RERE: variants seen among roughly 807,000 people sequenced by gnomAD.
RERE encodes arginine-glutamic acid dipeptide repeats protein.
RERE carries 40 observed loss-of-function variants against 146.1 expected under a neutral mutation model. The observed-to-expected ratio is 0.27, with a 90% CI of 0.21 to 0.36. The LOEUF (loss-of-function observed/expected upper bound fraction) is 0.36, where lower values mean the gene tolerates loss of function less well. Ranked by LOEUF, RERE falls within the 10% of genes least tolerant of loss-of-function variation. The pLI is 1.00. For synonymous variants in RERE, 1,003 were observed against 866.0 expected, an observed-to-expected ratio of 1.16 and a Z score of -2.78; for missense variants, 1,933 against 2,138.7, an observed-to-expected ratio of 0.90 and a Z score of 1.90.
intron 4 of RERE, 123 bp from the exon 5 acceptor site, chr1:8,557,646 C>A: frequency 1.5e-6 from 1 of 683,722 alleles, no homozygotes; most frequent in East Asian, 2.7e-5. Flanking sequence ...ACACAATTAC[C>A]ATCAGGACCA....
At chr1:8,414,115 C>T (rs1643693791) in intron 12 of RERE, among the ~76,000 whole-genome samples, 1 of 151,420 alleles carries the variant, frequency 6.6e-6, no homozygotes, top group African/African-American at 2.4e-5. Context: ...AGACCCCTGG[C>T]CCACCTGGCC....
intron 1 of RERE, among the ~76,000 whole-genome samples, chr1:8,712,519 C>T (rs1438368337): frequency 6.6e-6 from 1 of 152,170 alleles, no homozygotes; most frequent in Non-Finnish European, 1.5e-5. Context: ...CATGTTCATT[C>T]TCTTAAGTGA....
chr1:8,436,489 G>C (rs1175376553), intron 11 of RERE, among the ~76,000 whole-genome samples: 1 of 152,094 alleles, frequency 6.6e-6, no homozygotes, highest in East Asian at 1.9e-4. Context: ...CCTTGGCAAA[G>C]TAGATCTCAA....
At chr1:8,780,367 C>G (rs1247775961) in intron 1 of RERE, among the ~76,000 whole-genome samples, 2 of 152,144 alleles carry the variant, frequency 1.3e-5, no homozygotes, top group African/African-American at 4.8e-5. Flanking sequence ...GGGGATGCAA[C>G]CTGGAGCAGA....
chr1:8,789,301 A>AAAAAAAAAAAAAATATATATATATATAT, intron 1 of RERE, among the ~76,000 whole-genome samples: 3 of 24,808 alleles, frequency 1.2e-4, no homozygotes, highest in African/African-American at 2.3e-4. Context: ...AAAAAAAAAA[A>AAAAAAAAAAAAAATATATATATATATAT]ATATATATAT....
At chr1:8,450,131 A>G (rs964259632) in intron 11 of RERE, among the ~76,000 whole-genome samples, 2 of 152,128 alleles carry the variant, frequency 1.3e-5, no homozygotes, top group Non-Finnish European at 2.9e-5. Context: ...CCTCGTACAC[A>G]GTCAGTACTC....
At chr1:8,711,868 T>C (rs1353801342) in intron 1 of RERE, among the ~76,000 whole-genome samples, 2 of 152,226 alleles carry the variant, frequency 1.3e-5, no homozygotes, top group Non-Finnish European at 2.9e-5. Context: ...AATATAATTT[T>C]GCCCTTTATT....
intron 7 of RERE, among the ~76,000 whole-genome samples, chr1:8,509,015 A>G (rs1645294452): frequency 6.6e-6 from 1 of 152,154 alleles, no homozygotes; most frequent in Non-Finnish European, 1.5e-5. Flanking sequence ...CTTGGGTTCA[A>G]TTGATTCTCC....
At chr1:8,607,534 C>CTTTTTTTTT (rs1167501074) in intron 4 of RERE, among the ~76,000 whole-genome samples, 732 of 48,572 alleles carry the variant, frequency 0.015, 183 homozygotes, top group East Asian at 0.066. Flanking sequence ...ATATATATTT[C>CTTTTTTTTT]TTTTTTTTTT....
intron 3 of RERE, among the ~76,000 whole-genome samples, chr1:8,622,344 C>T (rs747681578): frequency 6.6e-6 from 1 of 151,908 alleles, no homozygotes. Context: ...ATATTTTTCA[C>T]GGTGCACTGA....
intron 1 of RERE, among the ~76,000 whole-genome samples, chr1:8,689,868 A>G (rs1639173373): frequency 1.3e-5 from 2 of 152,120 alleles, no homozygotes; most frequent in African/African-American, 4.8e-5. Context: ...CTACACTTGC[A>G]TCTCATTTTG....
intron 1 of RERE, among the ~76,000 whole-genome samples, chr1:8,776,480 T>C (rs890186881): frequency 2.0e-5 from 3 of 152,132 alleles, no homozygotes; most frequent in Non-Finnish European, 4.4e-5. Flanking sequence ...GTATTTTGAG[T>C]AGAGACAGGC....
intron 2 of RERE, among the ~76,000 whole-genome samples, chr1:8,626,027 C>T (rs942865309): frequency 6.6e-6 from 1 of 152,190 alleles, no homozygotes; most frequent in African/African-American, 2.4e-5. Flanking sequence ...CTAAGCTTTC[C>T]CTATCTTGTT....
chr1:8,707,362 G>C (rs1639578411), intron 1 of RERE, among the ~76,000 whole-genome samples: 1 of 152,112 alleles, frequency 6.6e-6, no homozygotes, highest in South Asian at 2.1e-4. Flanking sequence ...GGGAACCTTA[G>C]CAATAGCTGA....
intron 1 of RERE, among the ~76,000 whole-genome samples, chr1:8,790,885 C>A (rs1641353001): frequency 6.6e-6 from 1 of 152,136 alleles, no homozygotes; most frequent in Non-Finnish European, 1.5e-5. Context: ...CGCACCCGGC[C>A]CAGGCTTTAC....
chr1:8,591,819 G>T (rs945947964), intron 4 of RERE, among the ~76,000 whole-genome samples: 2 of 152,128 alleles, frequency 1.3e-5, no homozygotes, highest in African/African-American at 4.8e-5. Flanking sequence ...CTGCTTTCTT[G>T]TGAAACACAT....
intron 1 of RERE, among the ~76,000 whole-genome samples, chr1:8,685,361 C>T (rs926301122): frequency 6.6e-6 from 1 of 151,522 alleles, no homozygotes; most frequent in Non-Finnish European, 1.5e-5. Flanking sequence ...ACTTTGAAAG[C>T]TACAACCATA....
intron 1 of RERE, among the ~76,000 whole-genome samples, chr1:8,730,051 C>T (rs923745671): frequency 6.6e-6 from 1 of 152,206 alleles, no homozygotes; most frequent in African/African-American, 2.4e-5. Context: ...GAGAAGATTT[C>T]AAGTAAGCTT....
chr1:8,734,549 C>T (rs1030575316), intron 1 of RERE, among the ~76,000 whole-genome samples: 4 of 152,298 alleles, frequency 2.6e-5, no homozygotes, highest in Middle Eastern at 3.4e-3. Flanking sequence ...CAAACATGGG[C>T]TGACTTTGCA....
Sources: allele counts gnomAD v4.1 joint callset (sites outside exome capture counted in the v4.1 genomes callset), GRCh38; gene constraint gnomAD v4.1.1; transcripts MANE v1.5; gene names NCBI Gene and HGNC (gene_info 2026-07-23, HGNC 2026-07-21).